The following RORA variants were observed in gnomAD, a reference collection of about 807,000 sequenced individuals.
The protein encoded by RORA is nuclear receptor ROR-alpha.
In RORA, 7 loss-of-function variants were observed where a neutral mutation model predicts 69.5. That is an observed-to-expected ratio of 0.10 (90% CI 0.06 to 0.19). RORA has a LOEUF of 0.19. Among genes scored for constraint, RORA ranks in the 10% least tolerant of loss-of-function variants. RORA has a pLI of 1.00. For missense variants in RORA, 457 were observed against 663.0 expected (o/e 0.69, Z 3.41); for synonymous variants, 261 against 240.8 (o/e 1.08, Z -0.78).
At position 60,494,770 on chromosome 15, in the gene RORA, C is replaced by A. The variant is rs1243682449; in HGVS notation, c.*2685G>T. On this transcript the variant is annotated 3_prime_UTR_variant, in exon 11 of 11. Transcript: ENST00000335670. ...CACCTGGGAAGAAGCATCATATTACCTATCTTGGTTTACCGTAAAAGCAAT... is the reference window on the plus strand; with the variant it reads ...CACCTGGGAAGAAGCATCATATTACATATCTTGGTTTACCGTAAAAGCAAT... 1.3e-5 allele frequency: 2 copies of A among 152,146 alleles called. No homozygotes were observed. Among genetic ancestry groups the A allele is most frequent in the African/African-American group, 4.8e-5 (2 of 41,420 alleles). The allele number at this position is 152,146 out of a possible 1,614,324, so 9.4% of individuals were successfully genotyped here.
intron 1 of RORA, among the ~76,000 whole-genome samples, chr15:61,034,883 A>T (rs1167517795): frequency 6.6e-6 from 1 of 152,002 alleles, no homozygotes; most frequent in East Asian, 1.9e-4. Context: ...AGCTACGATC[A>T]AGGAGGAAAA....
At chr15:61,011,476 G>C (rs1895083572) in intron 1 of RORA, among the ~76,000 whole-genome samples, 1 of 152,092 alleles carries the variant, frequency 6.6e-6, no homozygotes, top group Non-Finnish European at 1.5e-5. Context: ...GTATCTGTGA[G>C]CATAGTTGGC....
chr15:60,800,932 C>G (rs892461734), intron 1 of RORA, among the ~76,000 whole-genome samples: 2 of 152,180 alleles, frequency 1.3e-5, no homozygotes, highest in African/African-American at 4.8e-5. Flanking sequence ...GCAGGGGCCA[C>G]GTTGAGCCTG....
intron 1 of RORA, among the ~76,000 whole-genome samples, chr15:60,914,692 C>A (rs1467805344): frequency 6.6e-6 from 1 of 152,138 alleles, no homozygotes; most frequent in Admixed American, 6.5e-5. Flanking sequence ...TCTCACTTGA[C>A]TGGGAAGTAA....
intron 2 of RORA, among the ~76,000 whole-genome samples, chr15:60,603,576 T>C (rs2068869879): frequency 1.3e-5 from 2 of 152,266 alleles, no homozygotes; most frequent in Non-Finnish European, 2.9e-5. Context: ...TCTGTGCTCA[T>C]AACTTTTTTG....
At chr15:60,933,674 AG>A (rs2140503018) in intron 1 of RORA, among the ~76,000 whole-genome samples, 1 of 152,344 alleles carries the variant, frequency 6.6e-6, no homozygotes, top group Admixed American at 6.5e-5. Context: ...CCATCATGCC[AG>A]GGTATACACA....
chr15:60,973,458 C>T (rs1259364090), intron 1 of RORA, among the ~76,000 whole-genome samples: 3 of 152,164 alleles, frequency 2.0e-5, no homozygotes, highest in Admixed American at 6.5e-5. Context: ...TTATGAGGGT[C>T]GGGCAGGGTG....
chr15:60,709,632 G>A (rs746787674), intron 1 of RORA, among the ~76,000 whole-genome samples: 7 of 151,554 alleles, frequency 4.6e-5, no homozygotes, highest in Non-Finnish European at 1.0e-4. Flanking sequence ...TTGTGCGCTC[G>A]TCATGACAAT....
intron 2 of RORA, among the ~76,000 whole-genome samples, chr15:60,548,699 G>A (rs752487289): frequency 5.3e-5 from 8 of 152,130 alleles, no homozygotes; most frequent in African/African-American, 1.4e-4. Context: ...GTGCAGTGGC[G>A]CGATCTCGGC....
At chr15:60,599,128 G>A (rs2068759905) in intron 2 of RORA, among the ~76,000 whole-genome samples, 1 of 152,198 alleles carries the variant, frequency 6.6e-6, no homozygotes, top group African/African-American at 2.4e-5. Flanking sequence ...TATGTGCGGG[G>A]TTCATCTGAA....
intron 1 of RORA, among the ~76,000 whole-genome samples, chr15:60,689,033 CAA>C (rs1258887620): frequency 6.6e-6 from 1 of 152,158 alleles, no homozygotes; most frequent in Non-Finnish European, 1.5e-5. Context: ...CCCTGTAATA[CAA>C]AGAGGATGAC....
intron 1 of RORA, among the ~76,000 whole-genome samples, chr15:60,725,494 G>A (rs1422056774): frequency 1.3e-5 from 2 of 152,122 alleles, no homozygotes; most frequent in Non-Finnish European, 2.9e-5. Context: ...CTTTGATACA[G>A]GCATGCAATA....
chr15:60,938,870 T>C (rs1892605895), intron 1 of RORA, among the ~76,000 whole-genome samples: 1 of 152,204 alleles, frequency 6.6e-6, no homozygotes, highest in Non-Finnish European at 1.5e-5. Flanking sequence ...AAACTGGAGA[T>C]TTGTGTGTAA....
At chr15:60,925,435 C>A (rs1373008521) in intron 1 of RORA, among the ~76,000 whole-genome samples, 2 of 152,208 alleles carry the variant, frequency 1.3e-5, no homozygotes, top group African/African-American at 2.4e-5. Context: ...TTGTTTGGGG[C>A]CACAGAGCCC....
chr15:61,137,025 AAGAAAGAAAG>A, intron 1 of RORA, among the ~76,000 whole-genome samples: 1 of 64,550 alleles, frequency 1.5e-5, no homozygotes, highest in Admixed American at 1.5e-4. Flanking sequence ...ATAAAAAAGA[AAGAAAGAAAG>A]AAAGAAAGAA....
chr15:60,771,603 C>T (rs979572313), intron 1 of RORA, among the ~76,000 whole-genome samples: 2 of 152,210 alleles, frequency 1.3e-5, no homozygotes, highest in East Asian at 1.9e-4. Flanking sequence ...ATGTTTCTCA[C>T]ACTTCTTTCC....
intron 1 of RORA, among the ~76,000 whole-genome samples, chr15:60,738,721 C>T (rs1365890702): frequency 2.0e-5 from 3 of 152,202 alleles, no homozygotes; most frequent in Non-Finnish European, 4.4e-5. Flanking sequence ...CCTACGACTG[C>T]TGGAACAAAG....
chr15:60,733,969 G>T (rs2071466137), intron 1 of RORA, among the ~76,000 whole-genome samples: 1 of 142,486 alleles, frequency 7.0e-6, no homozygotes, highest in African/African-American at 2.6e-5. Context: ...AGAAAGGAAT[G>T]AGATGGGAAT....
chr15:60,996,491 A>C (rs1264799292), intron 1 of RORA, among the ~76,000 whole-genome samples: 1 of 152,222 alleles, frequency 6.6e-6, no homozygotes, highest in Non-Finnish European at 1.5e-5. Flanking sequence ...AAATTAAAGA[A>C]TTTTAGGTCT....
Sources: gnomAD v4.1 joint callset for allele counts (sites outside exome capture counted in the v4.1 genomes callset) on GRCh38, gnomAD v4.1.1 for gene constraint, MANE v1.5 for transcripts, NCBI Gene and HGNC (gene_info 2026-07-23, HGNC 2026-07-21) for gene names.